Variants in ABCC9 observed in about 807,000 individuals in gnomAD.
The protein encoded by ABCC9 is ATP-binding cassette sub-family C member 9.
Under a neutral mutation model 188.3 loss-of-function variants are expected in ABCC9, and 95 were observed. The ratio of observed to expected loss-of-function variants is 0.50; its 90% CI spans 0.43 to 0.60. The LOEUF is 0.60. Among genes scored for constraint, ABCC9 ranks in the 20% least tolerant of loss-of-function variants. ABCC9 has a pLI of 0.00. For missense variants in ABCC9, 1,102 were observed against 1,876.3 expected, an observed-to-expected ratio of 0.59 and a Z score of 7.62; for synonymous variants, 659 against 652.7, an observed-to-expected ratio of 1.01 and a Z score of -0.15.
intron 17 of ABCC9, among the ~76,000 whole-genome samples, chr12:21,874,540 C>G (rs1946246453): frequency 6.6e-6 from 1 of 152,132 alleles, no homozygotes; most frequent in African/African-American, 2.4e-5. Flanking sequence ...ATTAGGGTCT[C>G]AAAGAGATAT....
At chr12:21,936,436 C>G (rs958274040) in intron 3 of ABCC9, 97 bp downstream of exon 3, 9 of 1,084,136 alleles carry the variant, frequency 8.3e-6, no homozygotes, top group African/African-American at 1.6e-5. Context: ...CATCAGCTTC[C>G]ATGTTACAGA....
chr12:21,935,109 A>G (rs1204715892), intron 3 of ABCC9, among the ~76,000 whole-genome samples: 1 of 152,078 alleles, frequency 6.6e-6, no homozygotes, highest in Non-Finnish European at 1.5e-5. Flanking sequence ...CTTCTATTCA[A>G]ATACCCTGGT....
intron 17 of ABCC9, 48 bp from the exon 18 acceptor site, chr12:21,872,778 G>T: frequency 1.5e-6 from 2 of 1,358,022 alleles, no homozygotes; most frequent in Non-Finnish European, 1.1e-6. Context: ...TGGATTCTTG[G>T]TGAAATAACA....
chr12:21,841,362 T>C lies in ABCC9; in HGVS notation c.3473+952A>G, dbSNP rs941751139. Among the ~76,000 whole-genome samples the C allele has an allele frequency of 3.7e-5, 5 of 134,114 alleles. 1 individual carries two copies. The highest frequency in any genetic ancestry group is 5.3e-4 in the South Asian group (2 of 3,788). The allele number at this position is 134,114 out of a possible 152,430, so 88.0% of individuals were successfully genotyped here. ...TTCTGGTTTCCTTTTTTTTTTTTTT[T>C]TTTTTTTTTTTTTTGAGACAGAGTC... On this transcript the variant is annotated intron_variant, in intron 29 of 39. Coordinates refer to ENST00000261200, the MANE Select transcript of ABCC9 (RefSeq NM_020297.4).
intron 19 of ABCC9, 121 bp downstream of exon 19, chr12:21,864,318 A>G (rs1945676702): frequency 1.4e-5 from 11 of 771,140 alleles, no homozygotes; most frequent in Admixed American, 1.2e-4. Flanking sequence ...TGTTGGAAAT[A>G]TGCTAGCACA....
In ABCC9 at chr12:21,812,183, C is replaced by A. The variant is rs1942287940; in HGVS notation, c.4103-26G>T. On this transcript the variant is annotated intron_variant, in intron 35 of 39. Coordinates refer to ENST00000261200, the MANE Select transcript of ABCC9 (RefSeq NM_020297.4). ...CTGTTAAGGAGAAACAGAAGTTACA[C>A]ACACATAGTAAAATCACAAGTAAAA... The A allele has an allele frequency of 2.2e-6, 3 of 1,371,532 alleles. No homozygotes were observed. The South Asian group carries it at 3.5e-5, about 16-fold the overall frequency. The allele number at this position is 1,371,532 out of a possible 1,614,324, so 85.0% of individuals were successfully genotyped here.
chr12:21,904,876 C>T (rs1947954446), intron 12 of ABCC9, among the ~76,000 whole-genome samples: 1 of 152,182 alleles, frequency 6.6e-6, no homozygotes, highest in Admixed American at 6.5e-5. Flanking sequence ...TGTGGTGATT[C>T]CTCAAGGATC....
At chr12:21,906,922 C>T (rs1486665363) in intron 11 of ABCC9, among the ~76,000 whole-genome samples, 4 of 151,966 alleles carry the variant, frequency 2.6e-5, no homozygotes, top group South Asian at 2.1e-4. Context: ...GTAGCAGATA[C>T]GAAACCTTCA....
At chr12:21,849,757 T>G (rs1944866031) in intron 24 of ABCC9, among the ~76,000 whole-genome samples, 1 of 152,204 alleles carries the variant, frequency 6.6e-6, no homozygotes, top group African/African-American at 2.4e-5. Context: ...CCAATAAATA[T>G]TCACTGGGCC....
intron 14 of ABCC9, among the ~76,000 whole-genome samples, chr12:21,891,556 A>G (rs1032356987): frequency 6.6e-6 from 1 of 152,126 alleles, no homozygotes; most frequent in East Asian, 1.9e-4. Flanking sequence ...CATGAAGCCC[A>G]CTTTGGCTAA....
Position 21,822,069 on chromosome 12 carries a change from T to C in ABCC9, c.3670-3818A>G, listed in dbSNP as rs112229017. ...AAAAGAAAGGCATAGCTTTTTGAGG[T>C]ACATTTTATAGCAAAAATTTTCAGA... is the stretch of plus-strand genomic sequence containing the variant. On this transcript the variant is annotated intron_variant, in intron 31 of 39. Transcript: ENST00000261200. 1.5e-3 allele frequency among the ~76,000 whole-genome samples: 228 copies of C among 152,266 alleles called. 1 individual carries two copies. The highest frequency in any genetic ancestry group is 5.3e-3 in the African/African-American group (222 of 41,554).
At chr12:21,890,816 G>A (rs1354111349) in intron 14 of ABCC9, among the ~76,000 whole-genome samples, 1 of 146,998 alleles carries the variant, frequency 6.8e-6, no homozygotes, top group Admixed American at 6.9e-5. Flanking sequence ...ACTGGGGACT[G>A]TTGTGGGGTG....
intron 24 of ABCC9, among the ~76,000 whole-genome samples, chr12:21,848,765 A>G (rs1389950928): frequency 6.6e-6 from 1 of 152,192 alleles, no homozygotes; most frequent in Non-Finnish European, 1.5e-5. Flanking sequence ...ATTCAATAGG[A>G]TCTGAAAGAA....
chr12:21,805,631 C>A (rs191950406), intron 39 of ABCC9, among the ~76,000 whole-genome samples: 44 of 152,224 alleles, frequency 2.9e-4, no homozygotes, highest in African/African-American at 1.1e-3. Context: ...GCAGAATAAG[C>A]AATCAAATTT....
rs140568728 is a variant in ABCC9 at position 21,811,915 on chromosome 12, G to A, written c.4211+134C>T. The A allele has an allele frequency of 5.7e-4, 392 of 690,364 alleles. 6 individuals are homozygous for A. The South Asian group carries it at 6.1e-3, about 11-fold the overall frequency. The allele number at this position is 690,364 out of a possible 1,614,324, so 42.8% of individuals were successfully genotyped here. A position where few individuals can be genotyped will look rare whatever the true frequency, so the allele number is the denominator to read the frequency against. On this transcript the variant is annotated intron_variant, in intron 36 of 39. Transcript: ENST00000261200. ...ACTCTAGGCTTTTCCAATCCAAATTGTTGGATGGTATATTTGATTTTATTG... is the reference window on the plus strand; with the variant it reads ...ACTCTAGGCTTTTCCAATCCAAATTATTGGATGGTATATTTGATTTTATTG...
chr12:21,900,619 C>A (rs562868643), intron 12 of ABCC9, among the ~76,000 whole-genome samples: 1 of 152,142 alleles, frequency 6.6e-6, no homozygotes, highest in South Asian at 2.1e-4. Flanking sequence ...CCTTCAATGA[C>A]CTGATGGATC....
Position 21,809,944 on chromosome 12 carries a change from T to C in ABCC9, c.4223A>G (p.Asp1408Gly). 1 of 1,608,640 alleles carries C rather than the reference T, an allele frequency of 6.2e-7. No individual in the cohort carries two copies. Among genetic ancestry groups the C allele is most frequent in the Non-Finnish European group, 8.5e-7 (1 of 1,176,082 alleles). ...GTCATCTGTGCATTTGCACTCTGGA[T>C]CTAAATTAAATCTGTAGGGAAAAAT... ...LFSGSIRFNL[D>G]PECKCTDDRL... Residue 1408 changes from aspartate (D) to glycine (G), a missense_variant, in exon 37 of 40, where the codon GAT (aspartate) becomes GGT (glycine). By Grantham distance (94) the Asp-to-Gly change is moderately conservative. Coordinates refer to ENST00000261200, the MANE Select transcript of ABCC9 (RefSeq NM_020297.4).
chr12:21,836,092 G>A (rs781252562), intron 30 of ABCC9, among the ~76,000 whole-genome samples: 2 of 151,908 alleles, frequency 1.3e-5, no homozygotes, highest in East Asian at 1.9e-4. Context: ...TTTCTCTCCC[G>A]GTCCTTAGTT....
chr12:21,837,699 A>G (rs1565721479), intron 30 of ABCC9, among the ~76,000 whole-genome samples: 1 of 152,150 alleles, frequency 6.6e-6, no homozygotes, highest in Non-Finnish European at 1.5e-5. Flanking sequence ...TGTTTATTGG[A>G]TGCTTCTTCA....
Sources: gnomAD v4.1 joint callset for allele counts (sites outside exome capture counted in the v4.1 genomes callset) on GRCh38, gnomAD v4.1.1 for gene constraint, MANE v1.5 for transcripts, NCBI Gene and HGNC (gene_info 2026-07-23, HGNC 2026-07-21) for gene names.